Variants in CNTLN observed in about 807,000 individuals in gnomAD.
CNTLN encodes centlein, also known as centlein, centrosomal protein.
Under a neutral mutation model 180.0 loss-of-function variants are expected in CNTLN, and 212 were observed. The ratio of observed to expected loss-of-function variants is 1.18; its 90% CI spans 1.05 to 1.32. The LOEUF (loss-of-function observed/expected upper bound fraction) is 1.32, where lower values mean the gene tolerates loss of function less well. Ranked by LOEUF, CNTLN falls within the 40% of genes most tolerant of loss-of-function variation. The pLI, the probability that CNTLN is intolerant of heterozygous loss-of-function variation, is 0.00. For synonymous variants in CNTLN, 722 were observed against 563.1 expected, an observed-to-expected ratio of 1.28 and a Z score of -3.99; for missense variants, 2,095 against 1,610.9, an observed-to-expected ratio of 1.30 and a Z score of -5.14.
At chr9:17,148,875 T>C (rs1168350817) in intron 2 of CNTLN, among the ~76,000 whole-genome samples, 1 of 152,192 alleles carries the variant, frequency 6.6e-6, no homozygotes, top group Admixed American at 6.5e-5. Flanking sequence ...GAACGTGCAG[T>C]TTGTTATGTA....
chr9:17,480,662 A>C (rs763532614), intron 23 of CNTLN, among the ~76,000 whole-genome samples: 1 of 152,324 alleles, frequency 6.6e-6, no homozygotes, highest in Admixed American at 6.5e-5. Flanking sequence ...TGTTTTAGCT[A>C]TCTGCCTCGA....
intron 18 of CNTLN, among the ~76,000 whole-genome samples, chr9:17,448,789 G>A (rs1379089805): frequency 6.6e-6 from 1 of 151,938 alleles, no homozygotes; most frequent in Non-Finnish European, 1.5e-5. Context: ...CTCAACTCCA[G>A]TAACAAAAAA....
intron 18 of CNTLN, among the ~76,000 whole-genome samples, chr9:17,451,821 T>G (rs1280994405): frequency 1.3e-5 from 2 of 152,200 alleles, no homozygotes; most frequent in Non-Finnish European, 2.9e-5. Flanking sequence ...TCCAAATTTT[T>G]TAAATGGTTC....
At chr9:17,407,944 G>T (rs888237538) in intron 15 of CNTLN, among the ~76,000 whole-genome samples, 5 of 151,732 alleles carry the variant, frequency 3.3e-5, no homozygotes, top group African/African-American at 4.8e-5. Flanking sequence ...TGACCAACAT[G>T]GTGAAACCCC....
At chr9:17,215,853 G>A (rs558589406) in intron 2 of CNTLN, among the ~76,000 whole-genome samples, 1 of 152,206 alleles carries the variant, frequency 6.6e-6, no homozygotes, top group African/African-American at 2.4e-5. Flanking sequence ...CTCTGAGCCA[G>A]GCGCGGGGTA....
chr9:17,521,575 G>C, the CNTLN span, among the ~76,000 whole-genome samples: 6 of 152,088 alleles, frequency 3.9e-5, no homozygotes, highest in East Asian at 1.2e-3. Context: ...CCTATTCCTT[G>C]AACAAAAGCC....
intron 5 of CNTLN, among the ~76,000 whole-genome samples, chr9:17,262,064 G>C (rs10962958): frequency 6.6e-6 from 1 of 151,242 alleles, no homozygotes; most frequent in Admixed American, 6.6e-5. Flanking sequence ...TTATTAAAAA[G>C]TTAGGAAACA....
chr9:17,340,379 A>G (rs3824392), intron 10 of CNTLN, among the ~76,000 whole-genome samples: 88,386 of 151,358 alleles, frequency 0.58, 26,084 homozygotes, highest in East Asian at 0.73. Context: ...GCCTTAGTAA[A>G]TATTAGTTAT....
rs1013160971 is a variant in CNTLN, at chr9:17,492,397, A to G, written c.4119+5331A>G. Among the ~76,000 whole-genome samples, 4 of 152,100 alleles carry G rather than the reference A, an allele frequency of 2.6e-5. No individual in the cohort carries two copies. In the South Asian group the frequency reaches 8.3e-4, roughly 31 times the overall value. On this transcript the variant is annotated intron_variant, in intron 25 of 25. Coordinates refer to ENST00000380647, the MANE Select transcript of CNTLN (RefSeq NM_017738.4). ...TTCTAAAATTAAGTCTCAACCAAAT[A>G]TAAAGAGATTTCTGCCTGGAAGTTC... is the stretch of plus-strand genomic sequence containing the variant.
At chr9:17,215,811 A>G (rs1270000436) in intron 2 of CNTLN, among the ~76,000 whole-genome samples, 1 of 152,072 alleles carries the variant, frequency 6.6e-6, no homozygotes, top group Non-Finnish European at 1.5e-5. Flanking sequence ...CTGCTGTGCT[A>G]GCAATGAGCG....
At chr9:17,216,826 G>A (rs903105440) in intron 2 of CNTLN, among the ~76,000 whole-genome samples, 1 of 152,226 alleles carries the variant, frequency 6.6e-6, no homozygotes, top group African/African-American at 2.4e-5. Flanking sequence ...AGGGGTTGCA[G>A]TTTGGAGCAT....
intron 5 of CNTLN, among the ~76,000 whole-genome samples, chr9:17,259,299 C>A (rs558847367): frequency 4.2e-4 from 60 of 143,574 alleles, no homozygotes; most frequent in African/African-American, 1.3e-3. Context: ...GTATATTGAA[C>A]CAGCCTTGCA....
At chr9:17,207,105 C>T (rs532453322) in intron 2 of CNTLN, among the ~76,000 whole-genome samples, 1 of 152,330 alleles carries the variant, frequency 6.6e-6, no homozygotes, top group African/African-American at 2.4e-5. Context: ...TGTTGCTTCC[C>T]AGTCTGATGG....
chr9:17,463,623 G>C (rs1831579482), intron 20 of CNTLN, among the ~76,000 whole-genome samples: 1 of 151,574 alleles, frequency 6.6e-6, no homozygotes, highest in South Asian at 2.1e-4. Flanking sequence ...CTCATTATAA[G>C]TGAAGAGCAC....
intron 18 of CNTLN, among the ~76,000 whole-genome samples, chr9:17,455,253 A>G (rs1166329169): frequency 6.6e-6 from 1 of 152,190 alleles, no homozygotes; most frequent in African/African-American, 2.4e-5. Context: ...GATGCTGCAT[A>G]GCATTTCTAT....
chr9:17,323,346 C>T (rs1448045453), intron 8 of CNTLN, among the ~76,000 whole-genome samples: 1 of 152,144 alleles, frequency 6.6e-6, no homozygotes. Flanking sequence ...TCATAATTAA[C>T]AGTGATCCGA....
At position 17,249,345 on chromosome 9, in the gene CNTLN, G is replaced by GTTTTTTTTTTTTTTT. The variant is rs558059269; in HGVS notation, c.849+12765_849+12766insTTTTTTTTTTTTTTT. ...TCTTTGATCCATTGGTTCTTTGATT[G>GTTTTTTTTTTTTTTT]TTTTTTTTGTTTTTTTTTTTTGAGC... On this transcript the variant is annotated intron_variant, in intron 5 of 25. Transcript: ENST00000380647. Among the ~76,000 whole-genome samples, 15 of 124,914 alleles carry GTTTTTTTTTTTTTTT rather than the reference G, an allele frequency of 1.2e-4. 1 individual carries two copies. Among genetic ancestry groups the GTTTTTTTTTTTTTTT allele is most frequent in the African/African-American group, 2.0e-4 (6 of 29,390 alleles). 81.9% of individuals were successfully genotyped at this position (124,914 alleles called of 152,430 possible).
intron 7 of CNTLN, chr9:17,299,573 G>T: frequency 1.0e-6 from 1 of 984,966 alleles, no homozygotes; most frequent in Non-Finnish European, 1.2e-6. Context: ...TGTGTTTTGT[G>T]TTGCCTTTGT....
At chr9:17,402,264 C>T (rs1161618543) in intron 15 of CNTLN, among the ~76,000 whole-genome samples, 4 of 151,818 alleles carry the variant, frequency 2.6e-5, no homozygotes, top group Non-Finnish European at 5.9e-5. Context: ...TAGCCAAAAT[C>T]TCAAGGATAG....
Sources: allele counts gnomAD v4.1 joint callset (sites outside exome capture counted in the v4.1 genomes callset), GRCh38; gene constraint gnomAD v4.1.1; transcripts MANE v1.5; gene names NCBI Gene and HGNC (gene_info 2026-07-23, HGNC 2026-07-21).